The following ARSK variants were observed in gnomAD, a reference collection of about 807,000 sequenced individuals.
ARSK encodes the protein arylsulfatase K.
ARSK carries 37 observed loss-of-function variants against 53.2 expected under a neutral mutation model. The observed-to-expected ratio is 0.70, with a 90% CI of 0.54 to 0.92. The LOEUF (loss-of-function observed/expected upper bound fraction) is 0.92, where lower values mean the gene tolerates loss of function less well. ARSK is among the 40% of genes least tolerant of loss of function. The pLI is 0.00. For synonymous variants in ARSK, 208 were observed against 223.2 expected, an observed-to-expected ratio of 0.93 and a Z score of 0.61; for missense variants, 613 against 643.0, an observed-to-expected ratio of 0.95 and a Z score of 0.51.
intron 3 of ARSK, among the ~76,000 whole-genome samples, chr5:95,576,253 C>T (rs1748922455): frequency 1.4e-5 from 2 of 140,040 alleles, no homozygotes; most frequent in Admixed American, 1.5e-4. Flanking sequence ...GGCTGGAGTG[C>T]AGTGGCACGA....
At chr5:95,598,639 T>C (rs1246765764) in intron 6 of ARSK, among the ~76,000 whole-genome samples, 2 of 152,162 alleles carry the variant, frequency 1.3e-5, no homozygotes, top group Non-Finnish European at 2.9e-5. Context: ...CTGTCACACC[T>C]CTGCTCAAAA....
intron 3 of ARSK, among the ~76,000 whole-genome samples, chr5:95,577,431 T>G (rs187782905): frequency 3.9e-5 from 6 of 152,218 alleles, no homozygotes; most frequent in South Asian, 2.1e-4. Flanking sequence ...AGTAGGAGAG[T>G]TTTATGTCTG....
intron 1 of ARSK, among the ~76,000 whole-genome samples, chr5:95,565,254 A>AT (rs553588408): frequency 1.3e-5 from 2 of 151,376 alleles, no homozygotes; most frequent in Admixed American, 6.6e-5. Context: ...AAGCTGCCTA[A>AT]TTTTTTTTTG....
At chr5:95,576,200 CTTT>C (rs60974669) in intron 3 of ARSK, among the ~76,000 whole-genome samples, 32 of 130,218 alleles carry the variant, frequency 2.5e-4, no homozygotes, top group Middle Eastern at 4.1e-3. Flanking sequence ...AAGTGTATAC[CTTT>C]TTTTTTTTTT....
At chr5:95,570,333 A>C (rs1255118360) in intron 3 of ARSK, among the ~76,000 whole-genome samples, 1 of 152,176 alleles carries the variant, frequency 6.6e-6, no homozygotes, top group Non-Finnish European at 1.5e-5. Context: ...CTTCTGGACT[A>C]TTGCATGAGC....
intron 7 of ARSK, among the ~76,000 whole-genome samples, chr5:95,601,825 G>A (rs982541187): frequency 3.9e-5 from 6 of 152,234 alleles, no homozygotes; most frequent in Non-Finnish European, 8.8e-5. Flanking sequence ...CACTTGAAGA[G>A]TGGAGGATTC....
intron 6 of ARSK, among the ~76,000 whole-genome samples, chr5:95,600,243 A>G (rs895022048): frequency 2.0e-5 from 3 of 152,156 alleles, no homozygotes; most frequent in Non-Finnish European, 2.9e-5. Flanking sequence ...GAATGTAAAA[A>G]GCTCTGTTAT....
chr5:95,586,794 CTG>C (rs1336996838), intron 5 of ARSK, 61 bp downstream of exon 5: 2 of 1,389,916 alleles, frequency 1.4e-6, no homozygotes, highest in African/African-American at 3.0e-5. Flanking sequence ...TTCCAACAGT[CTG>C]TAATCATGCT....
intron 5 of ARSK, among the ~76,000 whole-genome samples, chr5:95,591,055 C>T (rs894803041): frequency 1.3e-5 from 2 of 152,156 alleles, no homozygotes; most frequent in Middle Eastern, 3.2e-3. Context: ...GTAAAGTGCT[C>T]ATATCCAACT....
intron 1 of ARSK, among the ~76,000 whole-genome samples, chr5:95,564,252 AC>A (rs1477853197): frequency 3.3e-5 from 5 of 152,204 alleles, no homozygotes; most frequent in Admixed American, 3.3e-4. Context: ...AGCTGGGATT[AC>A]AGGCATGAGC....
chr5:95,573,345 A>C (rs141427633), intron 3 of ARSK, among the ~76,000 whole-genome samples: 40 of 152,340 alleles, frequency 2.6e-4, no homozygotes, highest in Non-Finnish European at 5.3e-4. Context: ...ACATCAGTAT[A>C]ATAAAAAATT....
Position 95,556,182 on chromosome 5 carries a change from CAT to C in ARSK, c.126+781_126+782del, listed in dbSNP as rs1264205251. 5 of 702,186 alleles carry C rather than the reference CAT, an allele frequency of 7.1e-6. No individual in the cohort carries two copies. The Admixed American group carries it at 1.0e-4, about 14-fold the overall frequency. The allele number at this position is 702,186 out of a possible 1,614,324, so 43.5% of individuals were successfully genotyped here. A position where few individuals can be genotyped will look rare whatever the true frequency, so the allele number is the denominator to read the frequency against. On this transcript the variant is annotated intron_variant, in intron 1 of 7. Coordinates refer to ENST00000380009, the MANE Select transcript of ARSK (RefSeq NM_198150.3). The stretch of plus-strand genomic sequence containing the variant: ...TCTGGCACTAAAGAGTGTTTGTAAT[CAT>C]ATGTTGTATTTCCTTTCTCGTAGAT...
At chr5:95,583,872 T>C (rs974807327) in intron 4 of ARSK, among the ~76,000 whole-genome samples, 1 of 152,204 alleles carries the variant, frequency 6.6e-6, no homozygotes, top group Non-Finnish European at 1.5e-5. Context: ...TGTAATGATA[T>C]ATCTCCAAGT....
intron 1 of ARSK, among the ~76,000 whole-genome samples, chr5:95,562,285 G>A (rs772166860): frequency 6.6e-6 from 1 of 152,136 alleles, no homozygotes; most frequent in African/African-American, 2.4e-5. Flanking sequence ...TTAAAGGACA[G>A]AGGCATCTTC....
chr5:95,599,300 A>G (rs973702259), intron 6 of ARSK, among the ~76,000 whole-genome samples: 1 of 152,172 alleles, frequency 6.6e-6, no homozygotes. Flanking sequence ...AGGCATTTCT[A>G]AGTATTAAAG....
chr5:95,556,194 T>C (rs1748502593), intron 1 of ARSK: 1 of 702,286 alleles, frequency 1.4e-6, no homozygotes, highest in Non-Finnish European at 2.6e-6. Context: ...TATGTTGTAT[T>C]TCCTTTCTCG....
rs781431376 is a variant in ARSK at position 95,555,396 on chromosome 5, G to T, written c.118G>T (p.Asp40Tyr). Residue 40 changes from aspartate to tyrosine, a missense_variant, in exon 1 of 8, where the codon GAC (aspartate) becomes TAC (tyrosine). Asp to Tyr is a radical substitution (Grantham distance 160, BLOSUM62 -3). Coordinates refer to ENST00000380009, the MANE Select transcript of ARSK (RefSeq NM_198150.3). The surrounding 1 kb of genome is among the most constrained non-coding windows in gnomAD (Gnocchi z 4.0). The stretch of plus-strand genomic sequence containing the variant: ...GCCCAATGTGGTGCTGGTCGTGAGC[G>T]ACTCCTTCGTAAGTACCGCGAGGCA... Reference protein sequence around the residue: ...KAPNVVLVVSDSFDGRLTFHP... With the variant: ...KAPNVVLVVSYSFDGRLTFHP... The T allele has an allele frequency of 6.9e-6, 11 of 1,605,590 alleles. No homozygotes were observed. The highest frequency in any genetic ancestry group is 1.3e-5 in the African/African-American group (1 of 74,616).
chr5:95,590,145 G>A (rs17084916), intron 5 of ARSK, among the ~76,000 whole-genome samples: 23,663 of 152,172 alleles, frequency 0.16, 2,551 homozygotes, highest in African/African-American at 0.3. Context: ...GAAGAGCAGG[G>A]AATGGTGCTT....
intron 6 of ARSK, among the ~76,000 whole-genome samples, chr5:95,593,817 T>TC (rs397883325): frequency 5.9e-5 from 9 of 152,090 alleles, no homozygotes; most frequent in African/African-American, 2.2e-4. Context: ...TAGGTTTTTT[T>TC]CCTGCAATTT....
Sources: gnomAD v4.1 joint callset for allele counts (sites outside exome capture counted in the v4.1 genomes callset) on GRCh38, gnomAD v4.1.1 for gene constraint, Gnocchi (gnomAD v3.1) non-coding constraint, MANE v1.5 for transcripts, NCBI Gene and HGNC (gene_info 2026-07-23, HGNC 2026-07-21) for gene names.